Variants in CCN3 observed in about 807,000 individuals in gnomAD.
The protein encoded by CCN3 is cellular communication network factor 3.
CCN3 carries 20 observed loss-of-function variants against 33.4 expected under a neutral mutation model. The ratio of observed to expected loss-of-function variants is 0.60; its 90% CI spans 0.42 to 0.87. The LOEUF is 0.87. Among genes scored for constraint, CCN3 ranks in the 40% least tolerant of loss-of-function variants. CCN3 has a pLI of 0.00. For synonymous variants in CCN3, 205 were observed against 170.4 expected (o/e 1.20, Z -1.58); for missense variants, 465 against 455.3 (o/e 1.02, Z -0.19).
intron 1 of CCN3, 43 bp downstream of exon 1, chr8:119,416,659 G>C (rs776698704): frequency 1.9e-6 from 3 of 1,597,426 alleles, no homozygotes; most frequent in African/African-American, 2.7e-5. Flanking sequence ...TACTTTGCCC[G>C]CCTTGGTGGC....
At chr8:119,417,468 A>C (rs1364451993) in intron 2 of CCN3, among the ~76,000 whole-genome samples, 3 of 152,230 alleles carry the variant, frequency 2.0e-5, no homozygotes, top group Non-Finnish European at 2.9e-5. Context: ...CAAGTAAAAT[A>C]AAATGCAGGC....
Position 119,418,134 on chromosome 8 carries a change from C to G in CCN3, c.387C>G (p.Phe129Leu). ...SGEKFQPSCK[F>L]QCTCRDGQIG... ...AGAAATTTCAGCCAAGCTGCAAATTCCAGTGCACCTGCAGAGATGGGCAGA... is the reference window on the plus strand; with the variant it reads ...AGAAATTTCAGCCAAGCTGCAAATTGCAGTGCACCTGCAGAGATGGGCAGA... Residue 129 changes from phenylalanine (F) to leucine (L), a missense_variant, in exon 3 of 5, where the codon TTC becomes TTG. Coordinates refer to ENST00000259526, the MANE Select transcript of CCN3 (RefSeq NM_002514.4). The G allele has an allele frequency of 6.2e-7, 1 of 1,614,208 alleles. No homozygotes were observed. The highest frequency in any genetic ancestry group is 8.5e-7 in the Non-Finnish European group (1 of 1,180,038).
chr8:119,419,252 C>A lies in CCN3; in HGVS notation c.684C>A (p.Val228=), dbSNP rs779588728. 3 of 1,614,222 alleles carry A rather than the reference C, an allele frequency of 1.9e-6. No homozygotes were observed. In the Admixed American group the frequency reaches 5.0e-5, roughly 27 times the overall value. Residue 228 remains valine, a synonymous_variant, in exon 4 of 5, where the codon GTC becomes GTA. Coordinates refer to ENST00000259526, the MANE Select transcript of CCN3 (RefSeq NM_002514.4). ...KSCGMGFSTR[V]TNRNRQCEML... ...GTGGTATGGGGTTCTCCACCCGGGT[C>A]ACCAATAGGAACCGTCAATGTGAGA...
In CCN3 at chr8:119,423,554, C is replaced by T. The variant is rs1453589736; in HGVS notation, c.*422C>T. The stretch of plus-strand genomic sequence containing the variant: ...TTAACATTTCATTGTACAAGTATTA[C>T]AACCATATATTGAGGTTCATTGGGA... On this transcript the variant is annotated 3_prime_UTR_variant, in exon 5 of 5. Transcript: ENST00000259526. 1 of 158,062 alleles carries T rather than the reference C, an allele frequency of 6.3e-6. No homozygotes were observed. Among genetic ancestry groups the T allele is most frequent in the Non-Finnish European group, 1.4e-5 (1 of 71,334 alleles). 9.8% of individuals were successfully genotyped at this position (158,062 alleles called of 1,614,324 possible).
At chr8:119,416,713 A>G (rs781672467) in intron 1 of CCN3, 31 bp from the exon 2 acceptor site, 3 of 1,576,416 alleles carry the variant, frequency 1.9e-6, no homozygotes, top group African/African-American at 2.7e-5. Flanking sequence ...GTCCCAGCTG[A>G]GTGGTTTCTC....
At chr8:119,419,032 A>T (rs1820089662) in intron 3 of CCN3, 99 bp from the exon 4 acceptor site, 1 of 820,684 alleles carries the variant, frequency 1.2e-6, no homozygotes, top group Admixed American at 1.9e-5. Context: ...GTAGGTACAG[A>T]GTCGAATGAG....
rs1446363661 is a variant in CCN3 at position 119,416,799 on chromosome 8, C to T, written c.140C>T (p.Pro47Leu). The T allele has an allele frequency of 1.2e-6, 2 of 1,602,244 alleles. No homozygotes were observed. Among genetic ancestry groups the T allele is most frequent in the South Asian group, 1.1e-5 (1 of 89,858 alleles). ...TGCCCGGGCCGGTGCCCTGCGACGC[C>T]GCCGACCTGCGCCCCCGGGGTGCGC... is the stretch of plus-strand genomic sequence containing the variant. The part of the protein sequence containing the change: ...PQCPGRCPAT[P>L]PTCAPGVRAV... The change falls in exon 2 of 5, where the codon CCG becomes CTG. Residue 47 changes from proline (P) to leucine (L), a missense_variant. Transcript: ENST00000259526.
At chr8:119,422,499 A>G (rs1400984061) in intron 4 of CCN3, among the ~76,000 whole-genome samples, 2 of 152,208 alleles carry the variant, frequency 1.3e-5, no homozygotes, top group Non-Finnish European at 2.9e-5. Flanking sequence ...CTCAATGTCA[A>G]AAGACCATTA....
At chr8:119,421,042 G>T (rs1375863550) in intron 4 of CCN3, among the ~76,000 whole-genome samples, 1 of 111,714 alleles carries the variant, frequency 9.0e-6, no homozygotes, top group East Asian at 2.4e-4. Context: ...TTTTTGAGAC[G>T]GAGTCTTGCT....
intron 3 of CCN3, among the ~76,000 whole-genome samples, chr8:119,418,529 C>T (rs897489173): frequency 2.0e-5 from 3 of 152,172 alleles, no homozygotes; most frequent in Non-Finnish European, 4.4e-5. Flanking sequence ...GCAATTTCTC[C>T]TGAAGAGGAC....
chr8:119,418,631 C>A (rs1820085011), intron 3 of CCN3, among the ~76,000 whole-genome samples: 1 of 152,186 alleles, frequency 6.6e-6, no homozygotes, highest in South Asian at 2.1e-4. Context: ...ATTAGCACTA[C>A]AAAGACAAAA....
At chr8:119,420,356 C>CA (rs985538276) in intron 4 of CCN3, among the ~76,000 whole-genome samples, 1 of 152,140 alleles carries the variant, frequency 6.6e-6, no homozygotes, top group African/African-American at 2.4e-5. Context: ...AATGAATTTG[C>CA]AAAATGCTGG....
In CCN3 at chr8:119,416,621, G is replaced by A; in HGVS notation, c.84+5G>A. ...CTTCTCCATCTCCTGGGACAGGTAAGTGGCACACCCTTAAGATGCCCCCAA... is the reference window on the plus strand; with the variant it reads ...CTTCTCCATCTCCTGGGACAGGTAAATGGCACACCCTTAAGATGCCCCCAA... On this transcript the variant is annotated splice_donor_5th_base_variant and intron_variant, in intron 1 of 4. Transcript: ENST00000259526. The A allele has an allele frequency of 6.2e-7, 1 of 1,613,286 alleles. No individual in the cohort carries two copies. The highest frequency in any genetic ancestry group is 8.5e-7 in the Non-Finnish European group (1 of 1,179,654).
In CCN3 at chr8:119,419,301, A is replaced by C. The variant is rs760642696; in HGVS notation, c.733A>C (p.Met245Leu). 6.2e-7 allele frequency: 1 copy of C among 1,614,164 alleles called. No homozygotes were observed. The highest frequency in any genetic ancestry group is 1.1e-5 in the South Asian group (1 of 91,082). ...GATGCTGAAACAGACTCGGCTCTGC[A>C]TGGTGCGGCCCTGTGAACAAGAGCC... is the stretch of plus-strand genomic sequence containing the variant. ...CEMLKQTRLC[M>L]VRPCEQEPEQ... The change falls in exon 4 of 5, where the codon ATG (methionine) becomes CTG (leucine). Residue 245 changes from methionine (M) to leucine (L), a missense_variant. By Grantham distance (15) the Met-to-Leu change is conservative (BLOSUM62 2). Transcript: ENST00000259526.
intron 4 of CCN3, among the ~76,000 whole-genome samples, chr8:119,421,359 G>A (rs1820121912): frequency 6.6e-6 from 1 of 152,154 alleles, no homozygotes; most frequent in Admixed American, 6.5e-5. Flanking sequence ...CATCTAAGAA[G>A]TTGTTAAAAT....
rs781253305 is a variant in CCN3, at chr8:119,418,134, C to T, written c.387C>T (p.Phe129=). The change falls in exon 3 of 5, where the codon TTC becomes TTT. Residue 129 remains phenylalanine (F), a synonymous_variant. Transcript: ENST00000259526. The part of the protein sequence containing the change: ...SGEKFQPSCK[F]QCTCRDGQIG... ...AGAAATTTCAGCCAAGCTGCAAATT[C>T]CAGTGCACCTGCAGAGATGGGCAGA... The T allele has an allele frequency of 2.5e-6, 4 of 1,614,208 alleles. No homozygotes were observed. In the Admixed American group the frequency reaches 6.7e-5, roughly 27 times the overall value.
intron 4 of CCN3, among the ~76,000 whole-genome samples, chr8:119,421,735 G>C (rs181336417): frequency 1.6e-4 from 25 of 152,152 alleles, no homozygotes; most frequent in African/African-American, 5.5e-4. Context: ...AATTTCCTGG[G>C]TTCATCACGT....
At chr8:119,418,024 C>T (rs1212667437) in intron 2 of CCN3, 34 bp from the exon 3 acceptor site, 3 of 1,591,040 alleles carry the variant, frequency 1.9e-6, no homozygotes, top group Non-Finnish European at 1.7e-6. Flanking sequence ...TCCTCTTCCT[C>T]TTTGCTTTTC....
intron 2 of CCN3, chr8:119,417,180 C>T (rs1820062789): frequency 5.5e-6 from 3 of 543,916 alleles, no homozygotes; most frequent in East Asian, 3.1e-5. Flanking sequence ...AGGAAACCTG[C>T]CCTGGGGGTG....
Sources: allele counts gnomAD v4.1 joint callset (sites outside exome capture counted in the v4.1 genomes callset), GRCh38; gene constraint gnomAD v4.1.1; transcripts MANE v1.5; gene names NCBI Gene and HGNC (gene_info 2026-07-23, HGNC 2026-07-21).